Variants in MINK1 observed in about 807,000 individuals in gnomAD.
MINK1 encodes misshapen-like kinase 1.
MINK1 carries 46 observed loss-of-function variants against 178.4 expected under a neutral mutation model. The ratio of observed to expected loss-of-function variants is 0.26; its 90% CI spans 0.20 to 0.33. MINK1 has a LOEUF of 0.33. Ranked by LOEUF, MINK1 falls within the 10% of genes least tolerant of loss-of-function variation. MINK1 has a pLI of 1.00. For synonymous variants in MINK1, 797 were observed against 709.7 expected (o/e 1.12, Z -1.96); for missense variants, 1,366 against 1,814.9 (o/e 0.75, Z 4.49).
chr17:4,837,038 T>G (rs1909413301), intron 1 of MINK1, among the ~76,000 whole-genome samples: 1 of 151,848 alleles, frequency 6.6e-6, no homozygotes, highest in Admixed American at 6.6e-5. Flanking sequence ...TACAAAAAAA[T>G]TAGCCAGGCA....
At position 4,890,740 on chromosome 17, in the gene MINK1, T is replaced by C. The variant is rs576505052; in HGVS notation, c.1566+5T>C. The C allele has an allele frequency of 6.2e-5, 96 of 1,543,410 alleles. 3 individuals carry two copies. In the South Asian group the frequency reaches 1.1e-3, roughly 18 times the overall value. On this transcript the variant is annotated splice_donor_5th_base_variant and intron_variant, in intron 14 of 31. Coordinates refer to ENST00000355280, the MANE Select transcript of MINK1 (RefSeq NM_153827.5). ...AAACCAGCCTGGGCCCGAGAGGTAC[T>C]CACTGCCTCCTTTGCCTCCTGAGAC...
chr17:4,897,337 C>T lies in MINK1; in HGVS notation c.*50C>T. 1 of 1,564,982 alleles carries T rather than the reference C, an allele frequency of 6.4e-7. No homozygotes were observed. Among genetic ancestry groups the T allele is most frequent in the African/African-American group, 1.4e-5 (1 of 73,922 alleles). ...CACACTGGACCCAGCTCTCCCCCTG[C>T]AGCCAGGCTTCCCGGGCCGCCCCTC... On this transcript the variant is annotated 3_prime_UTR_variant, in exon 32 of 32. Coordinates refer to ENST00000355280, the MANE Select transcript of MINK1 (RefSeq NM_153827.5).
At position 4,886,306 on chromosome 17, in the gene MINK1, T is replaced by A; in HGVS notation, c.773+108T>A. On this transcript the variant is annotated intron_variant, in intron 9 of 31. Transcript: ENST00000355280. This position sits in a 1 kb window ranked among gnomAD's most constrained non-coding sequence, Gnocchi z 6.1. ...TTGGATCTCACCAGAGAAGAGATTC[T>A]GGGGGGCAGAGGGCGGTGACTGGTG... 1 of 1,522,352 alleles carries A rather than the reference T, an allele frequency of 6.6e-7. No individual in the cohort carries two copies. The highest frequency in any genetic ancestry group is 9.1e-7 in the Non-Finnish European group (1 of 1,098,494). 94.3% of individuals were successfully genotyped at this position (1,522,352 alleles called of 1,614,324 possible).
At chr17:4,834,692 T>A (rs967821749) in intron 1 of MINK1, 1 of 514,004 alleles carries the variant, frequency 1.9e-6, no homozygotes, top group African/African-American at 1.9e-5. Flanking sequence ...CACTCCAGAC[T>A]ATCAGCCAGG....
intron 15 of MINK1, 47 bp downstream of exon 15, chr17:4,891,171 G>T: frequency 7.0e-7 from 1 of 1,433,178 alleles, no homozygotes; most frequent in East Asian, 2.5e-5. Context: ...AGGGAGCTTT[G>T]TTCAGAGCAC....
In MINK1 at chr17:4,884,486, C is replaced by T; in HGVS notation, c.417+13C>T. 8 of 1,587,216 alleles carry T rather than the reference C, an allele frequency of 5.0e-6. No homozygotes were observed. Among genetic ancestry groups the T allele is most frequent in the Non-Finnish European group, 6.9e-6 (8 of 1,155,824 alleles). ...GGAGATCCTCAGGGTGAGCTCAAGG[C>T]CCCTCCCCTTGTCTTCTCCTCCGCT... On this transcript the variant is annotated intron_variant, in intron 5 of 31. Transcript: ENST00000355280.
intron 1 of MINK1, among the ~76,000 whole-genome samples, chr17:4,842,276 T>C (rs937196974): frequency 2.0e-5 from 3 of 150,642 alleles, no homozygotes; most frequent in Admixed American, 6.6e-5. Flanking sequence ...CACATGGGGA[T>C]TGGGGATGTT....
At chr17:4,892,888 G>A (rs1014790985) in intron 19 of MINK1, 91 bp from the exon 20 acceptor site, 34 of 1,404,972 alleles carry the variant, frequency 2.4e-5, no homozygotes, top group Admixed American at 4.0e-5. Flanking sequence ...TGTGGGTATG[G>A]AACTTGGGGC....
At chr17:4,841,215 C>T (rs1005812684) in intron 1 of MINK1, among the ~76,000 whole-genome samples, 10 of 152,122 alleles carry the variant, frequency 6.6e-5, no homozygotes, top group African/African-American at 2.4e-4. Context: ...CATCTCCGCA[C>T]GGGCACTTCC....
chr17:4,863,643 A>C (rs1397748525), intron 1 of MINK1, among the ~76,000 whole-genome samples: 1 of 152,172 alleles, frequency 6.6e-6, no homozygotes, highest in Non-Finnish European at 1.5e-5. Flanking sequence ...GCAAGTGTTT[A>C]ATTGTTGTAA....
rs956403277 is a variant in MINK1, at chr17:4,833,727, C to T, written c.57+87C>T. Reference sequence around the variant, plus strand: ...GGTGGCTGCACGCCTCACGTGCTCCCGGGCGCCCCCTCCACCAGCTTGGGT... The same window carrying T: ...GGTGGCTGCACGCCTCACGTGCTCCTGGGCGCCCCCTCCACCAGCTTGGGT... On this transcript the variant is annotated intron_variant, in intron 1 of 31. Coordinates refer to ENST00000355280, the MANE Select transcript of MINK1 (RefSeq NM_153827.5). This position sits in a 1 kb window ranked among gnomAD's most constrained non-coding sequence, Gnocchi z 4.8. 2 of 1,153,444 alleles carry T rather than the reference C, an allele frequency of 1.7e-6. No homozygotes were observed. Among genetic ancestry groups the T allele is most frequent in the Non-Finnish European group, 2.3e-6 (2 of 863,272 alleles). 71.5% of individuals were successfully genotyped at this position (1,153,444 alleles called of 1,614,324 possible).
At position 4,894,781 on chromosome 17, in the gene MINK1, G is replaced by A; in HGVS notation, c.2917+148G>A. 1.5e-6 allele frequency: 1 copy of A among 680,048 alleles called. No homozygotes were observed. The highest frequency in any genetic ancestry group is 2.5e-6 in the Non-Finnish European group (1 of 397,292). The allele number at this position is 680,048 out of a possible 1,614,324, so 42.1% of individuals were successfully genotyped here. A position where few individuals can be genotyped will look rare whatever the true frequency, so the allele number is the denominator to read the frequency against. ...GCACCTGCCTGGGCACAGAGGCAAGGAAGAGCCTCTGAGACCCCTCCTTCC... is the reference window on the plus strand; with the variant it reads ...GCACCTGCCTGGGCACAGAGGCAAGAAAGAGCCTCTGAGACCCCTCCTTCC... On this transcript the variant is annotated intron_variant, in intron 24 of 31. Coordinates refer to ENST00000355280, the MANE Select transcript of MINK1 (RefSeq NM_153827.5). The surrounding 1 kb of genome is among the most constrained non-coding windows in gnomAD (Gnocchi z 4.1).
rs1969462849 is a variant in MINK1, at chr17:4,896,330, C to T, written c.3603C>T (p.Tyr1201=). 6.3e-7 allele frequency: 1 copy of T among 1,598,728 alleles called. No individual in the cohort carries two copies. Among genetic ancestry groups the T allele is most frequent in the Middle Eastern group, 1.7e-4 (1 of 5,958 alleles). ...DVDSGNSYDI[Y]IPVHIQSQIT... ...ACTCGGGGAACAGCTATGACATCTA[C>T]ATCCCTGTGCACGTGAGCTTGGCGG... is the stretch of plus-strand genomic sequence containing the variant. The change falls in exon 29 of 32, where the codon TAC becomes TAT. Residue 1201 remains tyrosine, a synonymous_variant. Transcript: ENST00000355280. The surrounding 1 kb of genome is among the most constrained non-coding windows in gnomAD (Gnocchi z 4.6).
rs925234101 is a variant in MINK1, at chr17:4,886,400, AC to A, written c.774-48del. Reference sequence around the variant, plus strand: ...GAATGATCCACCCTCTTCCTCCTGCACCCATCCCTTCTGAGGGGACCCTCCC... The same window carrying A: ...GAATGATCCACCCTCTTCCTCCTGCACCATCCCTTCTGAGGGGACCCTCCC... On this transcript the variant is annotated intron_variant, in intron 9 of 31. Coordinates refer to ENST00000355280, the MANE Select transcript of MINK1 (RefSeq NM_153827.5). This position sits in a 1 kb window ranked among gnomAD's most constrained non-coding sequence, Gnocchi z 6.1. 20 of 1,568,272 alleles carry A rather than the reference AC, an allele frequency of 1.3e-5. No homozygotes were observed. In the African/African-American group the frequency reaches 2.4e-4, roughly 19 times the overall value.
chr17:4,884,774 C>T, intron 5 of MINK1, 138 bp from the exon 6 acceptor site: 1 of 742,946 alleles, frequency 1.3e-6, no homozygotes, highest in East Asian at 2.7e-5. Flanking sequence ...CTTGCTTGGG[C>T]TCCTGGTGGA....
chr17:4,867,136 CTGTTTTT>C (rs1257164325), intron 1 of MINK1, among the ~76,000 whole-genome samples: 1 of 69,968 alleles, frequency 1.4e-5, no homozygotes, highest in African/African-American at 6.1e-5. Flanking sequence ...GCTCTTAGGA[CTGTTTTT>C]TTTTTTTTTT....
chr17:4,891,200 G>GCGCGCGCACACACA (rs781594150), intron 15 of MINK1, 76 bp downstream of exon 15: 9 of 1,004,130 alleles, frequency 9.0e-6, no homozygotes, highest in Non-Finnish European at 9.9e-6. Flanking sequence ...ACACACGCGC[G>GCGCGCGCACACACA]CACACACACA....
At chr17:4,892,097 G>A in intron 16 of MINK1, 52 bp from the exon 17 acceptor site, 2 of 1,447,584 alleles carry the variant, frequency 1.4e-6, no homozygotes, top group Non-Finnish European at 1.9e-6. Flanking sequence ...TTAAACATCT[G>A]AGAAGTGCCT....
Position 4,888,132 on chromosome 17 carries a change from C to A in MINK1, c.1230+342C>A, listed in dbSNP as rs1968390272. On this transcript the variant is annotated intron_variant, in intron 12 of 31. Transcript: ENST00000355280. ...TCCGGAGGCTGAGGCAGGAGAATTGCTTGAACCCGGGAGGCGGAGGTTGCA... is the reference window on the plus strand; with the variant it reads ...TCCGGAGGCTGAGGCAGGAGAATTGATTGAACCCGGGAGGCGGAGGTTGCA... Among the ~76,000 whole-genome samples, 3 of 151,736 alleles carry A rather than the reference C, an allele frequency of 2.0e-5. No individual in the cohort carries two copies. In the South Asian group the frequency reaches 6.2e-4, roughly 31 times the overall value.
Sources: gnomAD v4.1 joint callset for allele counts (sites outside exome capture counted in the v4.1 genomes callset) on GRCh38, gnomAD v4.1.1 for gene constraint, Gnocchi (gnomAD v3.1) non-coding constraint, MANE v1.5 for transcripts, NCBI Gene and HGNC (gene_info 2026-07-23, HGNC 2026-07-21) for gene names.